OR6N1: variants seen among roughly 807,000 people sequenced by gnomAD.
OR6N1 encodes olfactory receptor family 6 subfamily N member 1.
For synonymous variants in OR6N1, 170 were observed against 150.7 expected (o/e 1.13, Z -0.94); for missense variants, 394 against 371.7 (o/e 1.06, Z -0.49).
chr1:158,814,406 G>T, the OR6N1 span, among the ~76,000 whole-genome samples: 1 of 152,154 alleles, frequency 6.6e-6, no homozygotes. Context: ...AGGCCAAAGA[G>T]TTGGGCCTTA....
the OR6N1 span, chr1:158,808,474 G>C: frequency 6.5e-6 from 1 of 153,198 alleles, no homozygotes; most frequent in African/African-American, 2.4e-5. Context: ...GAAGGCTATA[G>C]ATGATAGGAT....
the OR6N1 span, among the ~76,000 whole-genome samples, chr1:158,800,716 G>T: frequency 2.0e-5 from 3 of 152,256 alleles, no homozygotes; most frequent in East Asian, 5.8e-4. Flanking sequence ...CCTGCATTTG[G>T]AAAGAAAGCA....
chr1:158,765,882 T>C lies in OR6N1; in HGVS notation c.801A>G (p.Ser267=), dbSNP rs752535653. Residue 267 remains serine, a synonymous_variant, in exon 2 of 2, where the codon TCA becomes TCG. Coordinates refer to ENST00000641846, the MANE Select transcript of OR6N1 (RefSeq NM_001005185.2). ...CTGCCAGGGCCTGGTCATAGTCCAGTGAGTAGCTCTTCTTCAGCTGCACAT... is the reference window on the plus strand; with the variant it reads ...CTGCCAGGGCCTGGTCATAGTCCAGCGAGTAGCTCTTCTTCAGCTGCACAT... ...SMYVQLKKSY[S]LDYDQALAVV... is the part of the protein sequence containing the mutation. The C allele has an allele frequency of 4.8e-5, 78 of 1,613,994 alleles. No individual in the cohort carries two copies. Among genetic ancestry groups the C allele is most frequent in the Non-Finnish European group, 6.3e-5 (74 of 1,180,012 alleles).
chr1:158,821,754 C>T, the OR6N1 span, among the ~76,000 whole-genome samples: 2 of 152,142 alleles, frequency 1.3e-5, no homozygotes, highest in African/African-American at 2.4e-5. Flanking sequence ...TGTCTGAAGG[C>T]TTCTTGTGTG....
chr1:158,786,824 G>A, the OR6N1 span, among the ~76,000 whole-genome samples: 7 of 152,042 alleles, frequency 4.6e-5, no homozygotes, highest in Admixed American at 4.6e-4. Context: ...TGACACAATG[G>A]ACTTTGGGGA....
At chr1:158,811,690 CA>C in the OR6N1 span, among the ~76,000 whole-genome samples, 1 of 151,760 alleles carries the variant, frequency 6.6e-6, no homozygotes, top group Admixed American at 6.6e-5. Context: ...GAATCAGAGG[CA>C]AAAAAGAAAA....
chr1:158,765,458 T>A lies in OR6N1; in HGVS notation c.*286A>T, dbSNP rs1037117490. On this transcript the variant is annotated 3_prime_UTR_variant, in exon 2 of 2. Transcript: ENST00000641846. Reference sequence around the variant, plus strand: ...CGTATAATAGGTAAGACACAGATTTTAAAAAAAACCTAAGTGTGATACATA... The same window carrying A: ...CGTATAATAGGTAAGACACAGATTTAAAAAAAAACCTAAGTGTGATACATA... The A allele has an allele frequency of 1.2e-4, 34 of 281,592 alleles. No homozygotes were observed. Among genetic ancestry groups the A allele is most frequent in the Non-Finnish European group, 1.7e-4 (25 of 149,714 alleles). The allele number at this position is 281,592 out of a possible 1,614,324, so 17.4% of individuals were successfully genotyped here.
chr1:158,777,734 A>G, the OR6N1 span: 1 of 725,500 alleles, frequency 1.4e-6, no homozygotes, highest in Non-Finnish European at 2.3e-6. Context: ...TTTTAACTTA[A>G]AAGTAGCACT....
At chr1:158,814,106 C>T in the OR6N1 span, among the ~76,000 whole-genome samples, 5 of 152,032 alleles carry the variant, frequency 3.3e-5, no homozygotes, top group African/African-American at 9.7e-5. Flanking sequence ...CTTCTTGTCC[C>T]GGAATAACTA....
At chr1:158,826,259 C>T in the OR6N1 span, among the ~76,000 whole-genome samples, 3 of 151,988 alleles carry the variant, frequency 2.0e-5, no homozygotes, top group Non-Finnish European at 4.4e-5. Flanking sequence ...TACACATACC[C>T]CTGAACCTAA....
the OR6N1 span, among the ~76,000 whole-genome samples, chr1:158,822,047 T>A: frequency 6.6e-6 from 1 of 152,212 alleles, no homozygotes; most frequent in Non-Finnish European, 1.5e-5. Context: ...CATCTTTTCA[T>A]ATGCTTATTT....
At chr1:158,790,826 T>G in the OR6N1 span, among the ~76,000 whole-genome samples, 1 of 152,354 alleles carries the variant, frequency 6.6e-6, no homozygotes, top group South Asian at 2.1e-4. Context: ...AAATCTCATC[T>G]TAAATTGTAA....
the OR6N1 span, among the ~76,000 whole-genome samples, chr1:158,795,103 C>T: frequency 6.6e-6 from 1 of 152,210 alleles, no homozygotes; most frequent in African/African-American, 2.4e-5. Context: ...GGGCAGTTCC[C>T]TGGCTGCTGG....
the OR6N1 span, among the ~76,000 whole-genome samples, chr1:158,805,269 C>T: frequency 0.013 from 2,022 of 152,334 alleles, 31 homozygotes; most frequent in African/African-American, 0.046. Context: ...GCCTTTCAGA[C>T]GTGACTGCTT....
the OR6N1 span, among the ~76,000 whole-genome samples, chr1:158,830,239 C>T: frequency 5.4e-3 from 823 of 152,308 alleles, 12 homozygotes; most frequent in African/African-American, 0.019. Flanking sequence ...CTGCTCGAAG[C>T]ATCAGCATAA....
At chr1:158,826,990 T>C in the OR6N1 span, among the ~76,000 whole-genome samples, 1 of 152,156 alleles carries the variant, frequency 6.6e-6, no homozygotes, top group Non-Finnish European at 1.5e-5. Context: ...GAGCAATGCA[T>C]GTAATGCTGG....
upstream of OR6N1, among the ~76,000 whole-genome samples, chr1:158,773,205 T>C (rs1439138654): frequency 6.6e-6 from 1 of 152,146 alleles, no homozygotes; most frequent in Non-Finnish European, 1.5e-5. Context: ...GTTGCCAGTA[T>C]TTAATATTTT....
the OR6N1 span, among the ~76,000 whole-genome samples, chr1:158,816,515 C>A: frequency 6.6e-6 from 1 of 152,138 alleles, no homozygotes; most frequent in South Asian, 2.1e-4. Flanking sequence ...CAAAGCAAGA[C>A]CCTGTCCTTA....
chr1:158,834,231 A>AT, the OR6N1 span, among the ~76,000 whole-genome samples: 13,687 of 130,224 alleles, frequency 0.11, 2,324 homozygotes, highest in African/African-American at 0.35. Context: ...TCCTTTATCA[A>AT]TTTTTTTTTT....
Sources: gnomAD v4.1 joint callset for allele counts (sites outside exome capture counted in the v4.1 genomes callset) on GRCh38, gnomAD v4.1.1 for gene constraint, MANE v1.5 for transcripts, NCBI Gene and HGNC (gene_info 2026-07-23, HGNC 2026-07-21) for gene names.